KIAA1328: variants seen among roughly 807,000 people sequenced by gnomAD.
KIAA1328 encodes KIAA1328.
Under a neutral mutation model 68.1 loss-of-function variants are expected in KIAA1328, and 52 were observed. The observed-to-expected ratio is 0.76, with a 90% CI of 0.61 to 0.96. KIAA1328 has a LOEUF of 0.96. KIAA1328 is among the 40% of genes least tolerant of loss of function. KIAA1328 has a pLI of 0.00. For missense variants in KIAA1328, 641 were observed against 677.6 expected (o/e 0.95, Z 0.60); for synonymous variants, 232 against 239.4 (o/e 0.97, Z 0.28).
At chr18:36,831,276 G>A (rs2046482034) in intron 1 of KIAA1328, among the ~76,000 whole-genome samples, 1 of 152,048 alleles carries the variant, frequency 6.6e-6, no homozygotes, top group African/African-American at 2.4e-5. Flanking sequence ...ATCATGAGAG[G>A]ACAGATCATC....
chr18:37,110,582 C>A (rs2057902648), intron 7 of KIAA1328, among the ~76,000 whole-genome samples: 1 of 152,060 alleles, frequency 6.6e-6, no homozygotes, highest in Non-Finnish European at 1.5e-5. Flanking sequence ...GAAATAGTTT[C>A]TTTACATTGA....
At chr18:36,978,542 T>C (rs2151359127) in intron 6 of KIAA1328, among the ~76,000 whole-genome samples, 1 of 152,346 alleles carries the variant, frequency 6.6e-6, no homozygotes, top group East Asian at 1.9e-4. Flanking sequence ...AATGTGTCAG[T>C]TGGCATTCAG....
At chr18:36,971,433 C>G (rs907816193) in intron 6 of KIAA1328, among the ~76,000 whole-genome samples, 1 of 152,030 alleles carries the variant, frequency 6.6e-6, no homozygotes, top group Non-Finnish European at 1.5e-5. Flanking sequence ...AGTTCAAGAC[C>G]AGCCTGACCA....
chr18:37,230,188 A>G (rs528277558), downstream of KIAA1328: 19 of 152,390 alleles, frequency 1.2e-4, no homozygotes, highest in African/African-American at 4.1e-4. Flanking sequence ...TAAAGCCACC[A>G]GGTCATTATA....
At chr18:37,201,186 C>T (rs1207711850) in intron 9 of KIAA1328, among the ~76,000 whole-genome samples, 1 of 152,088 alleles carries the variant, frequency 6.6e-6, no homozygotes, top group Non-Finnish European at 1.5e-5. Flanking sequence ...ATAATTTTCT[C>T]AAAAGTAAAA....
intron 7 of KIAA1328, among the ~76,000 whole-genome samples, chr18:37,085,228 G>A (rs564788501): frequency 6.6e-6 from 1 of 152,188 alleles, no homozygotes; most frequent in African/African-American, 2.4e-5. Context: ...ACCGGGATGG[G>A]CTGCCCAACG....
chr18:36,941,655 G>A (rs914246893), intron 5 of KIAA1328, among the ~76,000 whole-genome samples: 1 of 152,062 alleles, frequency 6.6e-6, no homozygotes, highest in African/African-American at 2.4e-5. Context: ...GAAAAAGTCA[G>A]TAATACTCTC....
chr18:36,829,356 T>C (rs1449066375), intron 1 of KIAA1328, 160 bp downstream of exon 1: 1 of 1,381,388 alleles, frequency 7.2e-7, no homozygotes, highest in Non-Finnish European at 9.3e-7. Flanking sequence ...GCTCTCCCCT[T>C]GCTTGGGTGT....
At chr18:37,155,742 A>G (rs1364704508) in intron 7 of KIAA1328, among the ~76,000 whole-genome samples, 1 of 152,052 alleles carries the variant, frequency 6.6e-6, no homozygotes, top group East Asian at 1.9e-4. Flanking sequence ...GGAAAACGCA[A>G]CCTTTCATGA....
At chr18:36,903,148 C>G (rs2049097311) in intron 5 of KIAA1328, among the ~76,000 whole-genome samples, 2 of 151,926 alleles carry the variant, frequency 1.3e-5, no homozygotes, top group South Asian at 2.1e-4. Context: ...GCTTCATTCC[C>G]AAATCATCAG....
chr18:37,067,354 T>A lies in KIAA1328; in HGVS notation c.1041T>A (p.His347Gln). 6.2e-7 allele frequency: 1 copy of A among 1,613,818 alleles called. No individual in the cohort carries two copies. Among genetic ancestry groups the A allele is most frequent in the Non-Finnish European group, 8.5e-7 (1 of 1,179,850 alleles). The change falls in exon 7 of 10, where the codon CAT (histidine) becomes CAA (glutamine). Residue 347 changes from histidine (H) to glutamine (Q), a missense_variant. Coordinates refer to ENST00000280020, the MANE Select transcript of KIAA1328 (RefSeq NM_020776.3). ...YCRLSWASLVHGGGALQPIET... is the reference protein window; with the variant it reads ...YCRLSWASLVQGGGALQPIET... ...GGCTTTCTTGGGCATCTCTGGTGCA[T>A]GGTGGTGGGGCACTGCAACCCATTG...
At chr18:37,162,535 G>C (rs965617834) in intron 8 of KIAA1328, among the ~76,000 whole-genome samples, 1 of 152,102 alleles carries the variant, frequency 6.6e-6, no homozygotes, top group Non-Finnish European at 1.5e-5. Context: ...TTATTGCATT[G>C]GCATTTGCTG....
chr18:37,181,079 G>A (rs981276357), intron 9 of KIAA1328, among the ~76,000 whole-genome samples: 2 of 151,980 alleles, frequency 1.3e-5, no homozygotes, highest in Non-Finnish European at 2.9e-5. Flanking sequence ...GAGCTGTAAG[G>A]CTGAGAACTG....
chr18:37,048,645 A>G (rs2055571606), intron 6 of KIAA1328, among the ~76,000 whole-genome samples: 1 of 152,162 alleles, frequency 6.6e-6, no homozygotes, highest in South Asian at 2.1e-4. Flanking sequence ...TTGCCCTAGT[A>G]ATTTGCTATT....
chr18:37,042,967 A>C lies in KIAA1328; in HGVS notation c.577-23923A>C, dbSNP rs568679911. Among the ~76,000 whole-genome samples the C allele has an allele frequency of 1.2e-3, 188 of 151,884 alleles. 1 individual carries two copies. The highest frequency in any genetic ancestry group is 2.3e-3 in the Non-Finnish European group (157 of 67,938). ...CTCTTTAGGTTAAATAATCTCTATTAATCTGTTTTTAAGTTCACTGATTCT... is the reference window on the plus strand; with the variant it reads ...CTCTTTAGGTTAAATAATCTCTATTCATCTGTTTTTAAGTTCACTGATTCT... On this transcript the variant is annotated intron_variant, in intron 6 of 9. Coordinates refer to ENST00000280020, the MANE Select transcript of KIAA1328 (RefSeq NM_020776.3).
chr18:36,859,799 T>G (rs1293246584), intron 4 of KIAA1328, among the ~76,000 whole-genome samples: 1 of 148,856 alleles, frequency 6.7e-6, no homozygotes, highest in Non-Finnish European at 1.5e-5. Flanking sequence ...ATTTTTGTCT[T>G]TTTTTTTTAA....
At chr18:36,957,974 C>T (rs182223756) in intron 5 of KIAA1328, among the ~76,000 whole-genome samples, 125 of 152,264 alleles carry the variant, frequency 8.2e-4, no homozygotes, top group Admixed American at 7.2e-4. Context: ...TTCTTCTCCC[C>T]TAACCCTTAG....
At chr18:36,851,064 A>G (rs1329894415) in intron 4 of KIAA1328, among the ~76,000 whole-genome samples, 3 of 151,986 alleles carry the variant, frequency 2.0e-5, no homozygotes, top group South Asian at 4.1e-4. Context: ...CTCAATTGAT[A>G]TGGTCATGTT....
intron 4 of KIAA1328, among the ~76,000 whole-genome samples, chr18:36,868,648 A>G (rs763228762): frequency 2.0e-5 from 3 of 152,140 alleles, no homozygotes; most frequent in Non-Finnish European, 4.4e-5. Flanking sequence ...CCACAATTGC[A>G]ATTTTTGATG....
Sources: allele counts gnomAD v4.1 joint callset (sites outside exome capture counted in the v4.1 genomes callset), GRCh38; gene constraint gnomAD v4.1.1; transcripts MANE v1.5; gene names NCBI Gene and HGNC (gene_info 2026-07-23, HGNC 2026-07-21).